CHCHD6: variants seen among roughly 807,000 people sequenced by gnomAD.
CHCHD6 encodes coiled-coil-helix-coiled-coil-helix domain containing 6.
In CHCHD6, 28 loss-of-function variants were observed where a neutral mutation model predicts 32.3. The observed-to-expected ratio is 0.87, with a 90% CI of 0.64 to 1.19. The LOEUF is 1.19. Among genes scored for constraint, CHCHD6 ranks in the 50% most tolerant of loss-of-function variants. CHCHD6 has a pLI of 0.00. For missense variants in CHCHD6, 333 were observed against 307.0 expected (o/e 1.08, Z -0.63); for synonymous variants, 122 against 117.5 (o/e 1.04, Z -0.25).
chr3:126,749,905 T>TG (rs1253393733), intron 4 of CHCHD6, among the ~76,000 whole-genome samples: 1 of 152,156 alleles, frequency 6.6e-6, no homozygotes, highest in Non-Finnish European at 1.5e-5. Context: ...AGAATGGCTA[T>TG]GGGGGGACAA....
At chr3:126,867,524 T>C (rs1329088876) in intron 5 of CHCHD6, among the ~76,000 whole-genome samples, 1 of 152,238 alleles carries the variant, frequency 6.6e-6, no homozygotes, top group East Asian at 1.9e-4. Flanking sequence ...AACAGATAAT[T>C]TTAATGAAAT....
rs1559811150 is a variant in CHCHD6, at chr3:126,733,163, G to A, written c.352G>A (p.Ala118Thr). 6.2e-7 allele frequency: 1 copy of A among 1,614,222 alleles called. No individual in the cohort carries two copies. Among genetic ancestry groups the A allele is most frequent in the Non-Finnish European group, 8.5e-7 (1 of 1,180,028 alleles). Residue 118 changes from alanine (A) to threonine (T), a missense_variant, in exon 4 of 8, where the codon GCA becomes ACA. Physicochemically the swap from Ala to Thr is moderately conservative, Grantham distance 58. Transcript: ENST00000290913. ...AGAGGCTGCCACCAAGCACTCCAAG[G>A]CATCCCTGCCCACGGGCGAAGGCAG... ...EREAATKHSK[A>T]SLPTGEGSIS...
intron 5 of CHCHD6, among the ~76,000 whole-genome samples, chr3:126,909,370 G>A (rs1490264994): frequency 2.0e-5 from 3 of 152,174 alleles, no homozygotes; most frequent in East Asian, 1.9e-4. Context: ...AGGGGCTGCC[G>A]GGTGATCTCT....
At chr3:126,957,914 C>T in intron 7 of CHCHD6, 1 of 374,592 alleles carries the variant, frequency 2.7e-6, no homozygotes, top group Non-Finnish European at 5.1e-6. Context: ...GTGGCAGAGG[C>T]CCGAGTGCAG....
At chr3:126,722,082 A>G (rs1409151428) in intron 1 of CHCHD6, among the ~76,000 whole-genome samples, 2 of 152,226 alleles carry the variant, frequency 1.3e-5, no homozygotes, top group Non-Finnish European at 2.9e-5. Context: ...TTGGTGTACA[A>G]TGAGAAGTGG....
At chr3:126,837,353 C>T (rs1940901646) in intron 4 of CHCHD6, among the ~76,000 whole-genome samples, 1 of 152,062 alleles carries the variant, frequency 6.6e-6, no homozygotes. Flanking sequence ...TGCTTGAGCC[C>T]AGGAGTTCAA....
intron 5 of CHCHD6, among the ~76,000 whole-genome samples, chr3:126,863,267 C>G (rs1365867602): frequency 4.9e-5 from 7 of 141,476 alleles, no homozygotes; most frequent in Admixed American, 4.9e-4. Context: ...TCCACCATCA[C>G]AACCGCCTCC....
At chr3:126,827,921 A>G (rs1223541969) in intron 4 of CHCHD6, among the ~76,000 whole-genome samples, 1 of 152,130 alleles carries the variant, frequency 6.6e-6, no homozygotes, top group African/African-American at 2.4e-5. Context: ...CTCATGGCAC[A>G]CTGTAGCTTC....
rs2078667342 is a variant in CHCHD6 at position 126,948,234 on chromosome 3, CTT to C, written c.567-9181_567-9180del. On this transcript the variant is annotated intron_variant, in intron 6 of 7. Coordinates refer to ENST00000290913, the MANE Select transcript of CHCHD6 (RefSeq NM_032343.3). ...CATGTCAGGCCTTTCAGCCCAGAAA[CTT>C]ATCCTCTCACAGTTCTGGAGGGCAG... is the stretch of plus-strand genomic sequence containing the variant. Among the ~76,000 whole-genome samples the C allele has an allele frequency of 2.6e-5, 4 of 152,372 alleles. No homozygotes were observed. In the South Asian group the frequency reaches 8.3e-4, roughly 32 times the overall value.
At chr3:126,802,502 G>A (rs1465027255) in intron 4 of CHCHD6, among the ~76,000 whole-genome samples, 1 of 152,148 alleles carries the variant, frequency 6.6e-6, no homozygotes, top group Non-Finnish European at 1.5e-5. Flanking sequence ...AGCGAGAAGG[G>A]AAGTTTAGAG....
chr3:126,890,406 T>C (rs781405861), intron 5 of CHCHD6, among the ~76,000 whole-genome samples: 10 of 151,990 alleles, frequency 6.6e-5, no homozygotes, highest in Non-Finnish European at 1.3e-4. Flanking sequence ...GAGGGTAGTA[T>C]TGGGAGAGGG....
chr3:126,788,337 CAT>C (rs887132964), intron 4 of CHCHD6, among the ~76,000 whole-genome samples: 167 of 152,300 alleles, frequency 1.1e-3, no homozygotes, highest in African/African-American at 3.2e-3. Flanking sequence ...ATGCTGGCCT[CAT>C]AAAATGAATT....
chr3:126,902,542 C>T (rs1576579191), intron 5 of CHCHD6, among the ~76,000 whole-genome samples: 1 of 151,988 alleles, frequency 6.6e-6, no homozygotes, highest in East Asian at 1.9e-4. Flanking sequence ...TGGTGAAACC[C>T]TGTCTCTACT....
chr3:126,890,482 G>C (rs1014968172), intron 5 of CHCHD6, among the ~76,000 whole-genome samples: 1 of 152,168 alleles, frequency 6.6e-6, no homozygotes, highest in East Asian at 1.9e-4. Flanking sequence ...ATGGAACTGT[G>C]CCTGTACAGC....
At chr3:126,907,140 G>A (rs926747402) in intron 5 of CHCHD6, among the ~76,000 whole-genome samples, 1 of 152,194 alleles carries the variant, frequency 6.6e-6, no homozygotes. Context: ...GGGCAAAGAC[G>A]CCAACCTAGG....
At chr3:126,947,015 G>A (rs1246529392) in intron 6 of CHCHD6, among the ~76,000 whole-genome samples, 1 of 152,210 alleles carries the variant, frequency 6.6e-6, no homozygotes, top group Non-Finnish European at 1.5e-5. Context: ...AGAGGATTTG[G>A]GGCCACACGT....
intron 6 of CHCHD6, among the ~76,000 whole-genome samples, chr3:126,952,611 C>T (rs1185524434): frequency 2.0e-5 from 3 of 152,118 alleles, no homozygotes; most frequent in Non-Finnish European, 1.5e-5. Flanking sequence ...GGGAGTGGGG[C>T]AGGGGGAGCC....
At position 126,774,186 on chromosome 3, in the gene CHCHD6, A is replaced by G. The variant is rs115551254; in HGVS notation, c.411+40964A>G. On this transcript the variant is annotated intron_variant, in intron 4 of 7. Coordinates refer to ENST00000290913, the MANE Select transcript of CHCHD6 (RefSeq NM_032343.3). ...GTATACACAATAAAATTCACACGTT[A>G]AGTGCTCAGGTTGGTGATTTTGCTG... is the stretch of plus-strand genomic sequence containing the variant. Among the ~76,000 whole-genome samples the G allele has an allele frequency of 7.3e-3, 1,113 of 152,294 alleles. 11 individuals carry two copies. The highest frequency in any genetic ancestry group is 0.025 in the African/African-American group (1,049 of 41,566).
chr3:126,960,347 C>T lies in CHCHD6; in HGVS notation c.*146C>T. 4.6e-6 allele frequency: 4 copies of T among 873,242 alleles called. No homozygotes were observed. The highest frequency in any genetic ancestry group is 7.3e-6 in the Non-Finnish European group (4 of 548,386). 54.1% of individuals were successfully genotyped at this position (873,242 alleles called of 1,614,324 possible). ...CTGGGGCTGCCACGTGTTTAGGAAACAAAGTATGCGCTACTGTCTGAAAAC... is the reference window on the plus strand; with the variant it reads ...CTGGGGCTGCCACGTGTTTAGGAAATAAAGTATGCGCTACTGTCTGAAAAC... On this transcript the variant is annotated 3_prime_UTR_variant, in exon 8 of 8. Transcript: ENST00000290913.
Sources: allele counts gnomAD v4.1 joint callset (sites outside exome capture counted in the v4.1 genomes callset), GRCh38; gene constraint gnomAD v4.1.1; transcripts MANE v1.5; gene names NCBI Gene and HGNC (gene_info 2026-07-23, HGNC 2026-07-21).